The following CFAP251 variants were observed in gnomAD, a reference collection of about 807,000 sequenced individuals.
CFAP251 encodes the protein cilia and flagella associated protein 251.
Under a neutral mutation model 126.7 loss-of-function variants are expected in CFAP251, and 93 were observed. That is an observed-to-expected ratio of 0.73 (90% CI 0.62 to 0.87). The LOEUF is 0.87. Among genes scored for constraint, CFAP251 ranks in the 40% least tolerant of loss-of-function variants. The pLI, the probability that CFAP251 is intolerant of heterozygous loss-of-function variation, is 0.00. For missense variants in CFAP251, 1,287 were observed against 1,389.2 expected (o/e 0.93, Z 1.17); for synonymous variants, 503 against 506.9 (o/e 0.99, Z 0.10).
chr12:121,963,146 C>G (rs1229161983), intron 15 of CFAP251, among the ~76,000 whole-genome samples: 3 of 152,106 alleles, frequency 2.0e-5, no homozygotes, highest in East Asian at 1.9e-4. Context: ...AAGCAAGATT[C>G]GGGAAACTGG....
At chr12:121,993,990 G>A (rs1593008141) in intron 19 of CFAP251, among the ~76,000 whole-genome samples, 2 of 42,104 alleles carry the variant, frequency 4.8e-5, no homozygotes, top group Non-Finnish European at 7.0e-5. Context: ...TCAGCCCCCC[G>A]CCCGGCCAGC....
intron 19 of CFAP251, among the ~76,000 whole-genome samples, chr12:121,996,638 T>A (rs1367668048): frequency 6.6e-6 from 1 of 152,194 alleles, no homozygotes; most frequent in Non-Finnish European, 1.5e-5. Context: ...ATACACAAAC[T>A]TTCCAAATGA....
chr12:121,970,245 G>A (rs578260145), intron 17 of CFAP251, among the ~76,000 whole-genome samples: 2 of 152,144 alleles, frequency 1.3e-5, no homozygotes, highest in South Asian at 2.1e-4. Context: ...CTCCTGCTCC[G>A]TGCTAGCATG....
chr12:121,961,581 A>G (rs1881942059), intron 14 of CFAP251, among the ~76,000 whole-genome samples: 1 of 151,916 alleles, frequency 6.6e-6, no homozygotes, highest in Non-Finnish European at 1.5e-5. Context: ...AGGTGTGGGA[A>G]TCAGCTGGAT....
intron 17 of CFAP251, 55 bp downstream of exon 17, chr12:121,968,224 A>G (rs972722543): frequency 2.6e-6 from 4 of 1,530,802 alleles, no homozygotes; most frequent in Middle Eastern, 2.0e-4. Context: ...TTCACTCAGC[A>G]ACAGTGATAG....
intron 15 of CFAP251, among the ~76,000 whole-genome samples, chr12:121,965,856 G>A (rs528287898): frequency 5.4e-4 from 72 of 133,734 alleles, no homozygotes; most frequent in Non-Finnish European, 8.6e-4. Flanking sequence ...GTCTCACTCT[G>A]TTGCCCAGGC....
intron 19 of CFAP251, among the ~76,000 whole-genome samples, chr12:121,978,971 C>T (rs141603868): frequency 6.6e-6 from 1 of 152,168 alleles, no homozygotes; most frequent in Non-Finnish European, 1.5e-5. Flanking sequence ...TAGCATTTTA[C>T]GTGCCCATCT....
chr12:121,975,211 T>C (rs1882426851), intron 17 of CFAP251, 33 bp from the exon 18 acceptor site: 2 of 1,601,288 alleles, frequency 1.2e-6, no homozygotes, highest in East Asian at 4.5e-5. Context: ...GCTTGAGCGC[T>C]TTCTAATAGA....
chr12:121,961,550 A>G (rs1202673039), intron 14 of CFAP251, among the ~76,000 whole-genome samples: 1 of 152,228 alleles, frequency 6.6e-6, no homozygotes, highest in African/African-American at 2.4e-5. Context: ...GTGACACAGT[A>G]TAACAGAACT....
chr12:121,988,024 G>A (rs531450747), intron 19 of CFAP251, among the ~76,000 whole-genome samples: 25 of 151,918 alleles, frequency 1.6e-4, no homozygotes, highest in African/African-American at 5.6e-4. Context: ...TTCATAACAA[G>A]CATGTTTCAC....
intron 3 of CFAP251, among the ~76,000 whole-genome samples, chr12:121,925,700 T>A (rs1880381924): frequency 6.6e-6 from 1 of 152,244 alleles, no homozygotes; most frequent in Non-Finnish European, 1.5e-5. Flanking sequence ...GTATTCTTTG[T>A]GTCAGGGGCA....
intron 19 of CFAP251, among the ~76,000 whole-genome samples, chr12:121,982,417 T>A (rs1474642878): frequency 6.6e-6 from 1 of 151,822 alleles, no homozygotes; most frequent in East Asian, 1.9e-4. Context: ...TTCACTCTTG[T>A]TGCCCAGGCT....
chr12:121,983,473 A>ATAAAGCT (rs1882674794), intron 19 of CFAP251, among the ~76,000 whole-genome samples: 1 of 152,238 alleles, frequency 6.6e-6, no homozygotes, highest in African/African-American at 2.4e-5. Flanking sequence ...GCAAAAAATA[A>ATAAAGCT]TAAAGCTTAA....
At chr12:121,966,601 T>C (rs1882149994) in intron 15 of CFAP251, among the ~76,000 whole-genome samples, 1 of 147,282 alleles carries the variant, frequency 6.8e-6, no homozygotes, top group Non-Finnish European at 1.5e-5. Context: ...TTTTTTTTTT[T>C]TTGAGATGGA....
chr12:121,978,393 C>CAAAAAACAAAAAAAAAAAAAAAAAAA (rs1882532147), intron 19 of CFAP251, among the ~76,000 whole-genome samples: 1 of 42,120 alleles, frequency 2.4e-5, no homozygotes, highest in Non-Finnish European at 4.0e-5. Context: ...GACTCTGTCT[C>CAAAAAACAAAAAAAAAAAAAAAAAAA]AAAAAAAAAA....
At chr12:121,920,751 C>T (rs1880135713) in intron 1 of CFAP251, among the ~76,000 whole-genome samples, 1 of 152,032 alleles carries the variant, frequency 6.6e-6, no homozygotes, top group Non-Finnish European at 1.5e-5. Flanking sequence ...AGGCTGGTCT[C>T]AAACTCCTGA....
At position 121,975,229 on chromosome 12, in the gene CFAP251, CTGT is replaced by C. The variant is rs1592997537; in HGVS notation, c.2772-7_2772-5del. 3 of 1,611,874 alleles carry C rather than the reference CTGT, an allele frequency of 1.9e-6. No individual in the cohort carries two copies. The highest frequency in any genetic ancestry group is 2.2e-5 in the East Asian group (1 of 44,878). ...TGAGCGCTTTCTAATAGAGACATTT[CTGT>C]TGTTGTTCCAGTGTCCTGGAGGCAG... On this transcript the variant is annotated splice_polypyrimidine_tract_variant and intron_variant, in intron 17 of 21. Coordinates refer to ENST00000288912, the MANE Select transcript of CFAP251 (RefSeq NM_144668.6).
chr12:121,999,876 G>A lies in CFAP251; in HGVS notation c.3167G>A (p.Gly1056Asp), dbSNP rs200679808. 1.0e-4 allele frequency: 167 copies of A among 1,614,020 alleles called. No individual in the cohort carries two copies. The highest frequency in any genetic ancestry group is 1.7e-5 in the Admixed American group (1 of 59,998). Reference sequence around the variant, plus strand: ...ATCCACAAGAGCTTTGAGGTGCTCGGTTATACCAACTCCAAAGGGAAAAAG... The same window carrying A: ...ATCCACAAGAGCTTTGAGGTGCTCGATTATACCAACTCCAAAGGGAAAAAG... ...SGIHKSFEVLGYTNSKGKKAI... is the reference protein window; with the variant it reads ...SGIHKSFEVLDYTNSKGKKAI... The change falls in exon 20 of 22, where the codon GGT (glycine) becomes GAT (aspartate). Residue 1056 changes from glycine (G) to aspartate (D), a missense_variant. By Grantham distance (94) the Gly-to-Asp change is moderately conservative. Transcript: ENST00000288912.
At chr12:121,929,436 A>T (rs1319681398) in intron 3 of CFAP251, among the ~76,000 whole-genome samples, 1 of 151,610 alleles carries the variant, frequency 6.6e-6, no homozygotes, top group Admixed American at 6.6e-5. Context: ...TTTTATTCAC[A>T]TCCTGGATGA....
Sources: gnomAD v4.1 joint callset for allele counts (sites outside exome capture counted in the v4.1 genomes callset) on GRCh38, gnomAD v4.1.1 for gene constraint, MANE v1.5 for transcripts, NCBI Gene and HGNC (gene_info 2026-07-23, HGNC 2026-07-21) for gene names.